PTPN14: variants seen among roughly 807,000 people sequenced by gnomAD.
The protein encoded by PTPN14 is protein tyrosine phosphatase non-receptor type 14.
A neutral mutation model predicts 126.8 loss-of-function variants in PTPN14; 53 were observed. The observed-to-expected ratio is 0.42, with a 90% CI of 0.34 to 0.53. The LOEUF is 0.53. Among genes scored for constraint, PTPN14 ranks in the 20% least tolerant of loss-of-function variants. PTPN14 has a pLI of 0.08. For synonymous variants in PTPN14, 630 were observed against 599.3 expected (o/e 1.05, Z -0.75); for missense variants, 1,257 against 1,552.9 (o/e 0.81, Z 3.20).
At chr1:214,402,827 C>T in intron 6 of PTPN14, 56 bp downstream of exon 6, 1 of 1,579,830 alleles carries the variant, frequency 6.3e-7, no homozygotes, top group Non-Finnish European at 8.7e-7. Context: ...GCCTCCTGCC[C>T]CATGGGCTGT....
At position 214,523,850 on chromosome 1, in the gene PTPN14, CT is replaced by C. The variant is rs1286518641; in HGVS notation, c.-155+27332del. Among the ~76,000 whole-genome samples the C allele has an allele frequency of 3.3e-3, 437 of 134,406 alleles. 1 individual carries two copies. Among genetic ancestry groups the C allele is most frequent in the Admixed American group, 4.4e-3 (58 of 13,266 alleles). 88.2% of individuals were successfully genotyped at this position (134,406 alleles called of 152,430 possible). On this transcript the variant is annotated intron_variant, in intron 1 of 18. Coordinates refer to ENST00000366956, the MANE Select transcript of PTPN14 (RefSeq NM_005401.5). ...AATAGTATTTGAGAGTAATCAGATTCTTTTTTTTTTTTTTTTTGAGATAGAG... is the reference window on the plus strand; with the variant it reads ...AATAGTATTTGAGAGTAATCAGATTCTTTTTTTTTTTTTTTTGAGATAGAG...
At chr1:214,541,641 G>C (rs189883192) in intron 1 of PTPN14, among the ~76,000 whole-genome samples, 1 of 152,296 alleles carries the variant, frequency 6.6e-6, no homozygotes, top group Middle Eastern at 3.4e-3. Flanking sequence ...CATCTGTTAC[G>C]TGATGGTGAT....
At chr1:214,490,982 G>C (rs1177085176) in intron 1 of PTPN14, among the ~76,000 whole-genome samples, 5 of 90,898 alleles carry the variant, frequency 5.5e-5, no homozygotes, top group Non-Finnish European at 1.3e-4. Context: ...AGGAAAGGAA[G>C]GAAGGAAGGG....
intron 1 of PTPN14, among the ~76,000 whole-genome samples, chr1:214,520,065 A>AAAAAAAATATATATATATATAT: frequency 7.0e-5 from 5 of 71,110 alleles, no homozygotes; most frequent in East Asian, 4.8e-4. Flanking sequence ...AAAAAAAAAA[A>AAAAAAAATATATATATATATAT]ATATATATAT....
chr1:214,550,407 G>A (rs934850857), intron 1 of PTPN14, among the ~76,000 whole-genome samples: 2 of 152,176 alleles, frequency 1.3e-5, no homozygotes, highest in Non-Finnish European at 1.5e-5. Flanking sequence ...GGGATGAGAA[G>A]GTTGGAGAAC....
chr1:214,455,222 A>G (rs1660356908), intron 2 of PTPN14, among the ~76,000 whole-genome samples: 2 of 152,360 alleles, frequency 1.3e-5, no homozygotes, highest in Middle Eastern at 3.4e-3. Context: ...TGTCAAGCCC[A>G]GCTGAGACCC....
chr1:214,499,359 T>C (rs1229616346), intron 1 of PTPN14, among the ~76,000 whole-genome samples: 1 of 146,688 alleles, frequency 6.8e-6, no homozygotes, highest in South Asian at 2.2e-4. Context: ...GTAGAATGAG[T>C]GTGTGGAAAA....
chr1:214,352,093 A>C lies in PTPN14; in HGVS notation c.*5829T>G, dbSNP rs1414674633. On this transcript the variant is annotated 3_prime_UTR_variant, in exon 19 of 19. Coordinates refer to ENST00000366956, the MANE Select transcript of PTPN14 (RefSeq NM_005401.5). ...CTCCAGCCCTCCTGCCTTGTAACTCAATGTCCTTGAATTTATTTTTAAAAT... is the reference window on the plus strand; with the variant it reads ...CTCCAGCCCTCCTGCCTTGTAACTCCATGTCCTTGAATTTATTTTTAAAAT... 1 of 152,178 alleles carries C rather than the reference A, an allele frequency of 6.6e-6. No individual in the cohort carries two copies. Among genetic ancestry groups the C allele is most frequent in the Non-Finnish European group, 1.5e-5 (1 of 68,038 alleles). 9.4% of individuals were successfully genotyped at this position (152,178 alleles called of 1,614,324 possible).
rs931379907 is a variant in PTPN14 at position 214,357,792 on chromosome 1, T to C, written c.*130A>G. The C allele has an allele frequency of 1.5e-5, 10 of 655,854 alleles. No homozygotes were observed. Among genetic ancestry groups the C allele is most frequent in the Non-Finnish European group, 2.6e-5 (10 of 378,038 alleles). The allele number at this position is 655,854 out of a possible 1,614,324, so 40.6% of individuals were successfully genotyped here. ...CATGGTATGTGTGAATAATCTTGGCTACTGTCTTCAGAGAGCCTGTTTGCT... is the reference window on the plus strand; with the variant it reads ...CATGGTATGTGTGAATAATCTTGGCCACTGTCTTCAGAGAGCCTGTTTGCT... On this transcript the variant is annotated 3_prime_UTR_variant, in exon 19 of 19. Transcript: ENST00000366956.
intron 1 of PTPN14, among the ~76,000 whole-genome samples, chr1:214,486,104 C>A (rs1661106388): frequency 6.6e-6 from 1 of 152,158 alleles, no homozygotes; most frequent in African/African-American, 2.4e-5. Flanking sequence ...CAGAATTACT[C>A]TGCAGGCAGG....
intron 4 of PTPN14, 120 bp downstream of exon 4, chr1:214,414,508 TA>T: frequency 2.2e-6 from 2 of 909,120 alleles, no homozygotes; most frequent in South Asian, 1.7e-5. Context: ...TAACTTGAAA[TA>T]AAAAGGGAGC....
chr1:214,368,885 G>A (rs1019262118), intron 17 of PTPN14, among the ~76,000 whole-genome samples: 1 of 152,186 alleles, frequency 6.6e-6, no homozygotes, highest in Non-Finnish European at 1.5e-5. Flanking sequence ...GGGAGGCTGA[G>A]GCAGGAGAAT....
chr1:214,483,353 C>A, intron 1 of PTPN14: 1 of 1,612,600 alleles, frequency 6.2e-7, no homozygotes, highest in Non-Finnish European at 8.5e-7. Context: ...CCGCGGCTTC[C>A]CGTGGTTGTT....
Position 214,372,732 on chromosome 1 carries a change from A to G in PTPN14, c.3015T>C (p.Ile1005=), listed in dbSNP as rs1658248232. The G allele has an allele frequency of 1.2e-6, 2 of 1,613,952 alleles. No homozygotes were observed. The highest frequency in any genetic ancestry group is 1.7e-6 in the Non-Finnish European group (2 of 1,179,956). ...TTACCTCCTCTGCAGTGACCATGGC[A>G]ATCACATTCACTCCCTGCTCCCACA... ...QMVWEQGVNV[I]AMVTAEEEGG... The change falls in exon 16 of 19, where the codon ATT becomes ATC. Residue 1005 remains isoleucine, a synonymous_variant. Coordinates refer to ENST00000366956, the MANE Select transcript of PTPN14 (RefSeq NM_005401.5).
At chr1:214,455,556 A>G (rs1385998790) in intron 2 of PTPN14, among the ~76,000 whole-genome samples, 1 of 152,174 alleles carries the variant, frequency 6.6e-6, no homozygotes, top group Non-Finnish European at 1.5e-5. Context: ...TGGTGCCATG[A>G]GTTCTGCAAT....
At position 214,364,021 on chromosome 1, in the gene PTPN14, G is replaced by A. The variant is rs763540679; in HGVS notation, c.3435+491C>T. ...TATCTACTCTGCTCCGCTACACCAC[G>A]CAACAACCAGACTAGACAAGCAAAC... On this transcript the variant is annotated intron_variant, in intron 18 of 18. Coordinates refer to ENST00000366956, the MANE Select transcript of PTPN14 (RefSeq NM_005401.5). This position sits in a 1 kb window ranked among gnomAD's most constrained non-coding sequence, Gnocchi z 4.1. 2.0e-5 allele frequency among the ~76,000 whole-genome samples: 3 copies of A among 152,118 alleles called. No homozygotes were observed. The highest frequency in any genetic ancestry group is 2.9e-5 in the Non-Finnish European group (2 of 68,034).
chr1:214,409,384 A>G (rs115681518), intron 5 of PTPN14, among the ~76,000 whole-genome samples: 2,607 of 152,322 alleles, frequency 0.017, 82 homozygotes, highest in African/African-American at 0.059. Context: ...ACATTCATCC[A>G]TCTTATGGCA....
intron 1 of PTPN14, among the ~76,000 whole-genome samples, chr1:214,526,058 T>A (rs773157479): frequency 2.9e-4 from 44 of 151,522 alleles, no homozygotes; most frequent in Non-Finnish European, 5.4e-4. Flanking sequence ...CCCTGTCTCC[T>A]GGGTTCCAGC....
At chr1:214,413,087 G>C (rs1201561816) in intron 4 of PTPN14, among the ~76,000 whole-genome samples, 2 of 152,068 alleles carry the variant, frequency 1.3e-5, no homozygotes, top group African/African-American at 4.8e-5. Flanking sequence ...TTGTTGCCCA[G>C]GGTGGTCTCA....
Sources: allele counts gnomAD v4.1 joint callset (sites outside exome capture counted in the v4.1 genomes callset), GRCh38; gene constraint gnomAD v4.1.1; non-coding constraint Gnocchi (gnomAD v3.1); transcripts MANE v1.5; gene names NCBI Gene and HGNC (gene_info 2026-07-23, HGNC 2026-07-21).